Variants in PDE4B observed in about 807,000 individuals in gnomAD.
The protein encoded by PDE4B is 3',5'-cyclic-AMP phosphodiesterase 4B.
In PDE4B, 20 loss-of-function variants were observed where a neutral mutation model predicts 82.2. The observed-to-expected ratio is 0.24, with a 90% CI of 0.17 to 0.35. PDE4B has a LOEUF of 0.35. PDE4B is among the 10% of genes least tolerant of loss of function. The pLI is 1.00. For synonymous variants in PDE4B, 320 were observed against 318.9 expected, an observed-to-expected ratio of 1.00 and a Z score of -0.04; for missense variants, 655 against 907.2, an observed-to-expected ratio of 0.72 and a Z score of 3.57.
chr1:65,925,358 A>C (rs917686392), intron 3 of PDE4B, among the ~76,000 whole-genome samples: 1 of 152,158 alleles, frequency 6.6e-6, no homozygotes, highest in African/African-American at 2.4e-5. Flanking sequence ...ACTACTATTT[A>C]AAAAAACTTT....
At chr1:66,301,295 G>T (rs1657878370) in intron 7 of PDE4B, among the ~76,000 whole-genome samples, 1 of 152,124 alleles carries the variant, frequency 6.6e-6, no homozygotes, top group Non-Finnish European at 1.5e-5. Flanking sequence ...TTTTCCAAGG[G>T]CCTCCTGTAT....
chr1:65,887,247 T>TTTCTTTCTTTCTTTCTTTCTTTCTTTCC (rs1297971405), intron 1 of PDE4B, among the ~76,000 whole-genome samples: 1 of 37,700 alleles, frequency 2.7e-5, no homozygotes, highest in African/African-American at 1.1e-4. Context: ...TCTTTCTTTC[T>TTTCTTTCTTTCTTTCTTTCTTTCTTTCC]TTTCTTTCTT....
intron 1 of PDE4B, among the ~76,000 whole-genome samples, chr1:65,907,215 T>C (rs1023389250): frequency 1.3e-5 from 2 of 152,178 alleles, no homozygotes; most frequent in African/African-American, 4.8e-5. Context: ...CAGCAATAAC[T>C]GAGTGCAGTA....
chr1:66,372,791 C>T lies in PDE4B; in HGVS notation c.*113C>T. On this transcript the variant is annotated 3_prime_UTR_variant, in exon 17 of 17. Transcript: ENST00000341517. Reference sequence around the variant, plus strand: ...CTGCACAGGACAAGGGCCACCTGGCCTTTCAGTTACTTGAGTTTGGAGTCA... The same window carrying T: ...CTGCACAGGACAAGGGCCACCTGGCTTTTCAGTTACTTGAGTTTGGAGTCA... 4 of 1,035,336 alleles carry T rather than the reference C, an allele frequency of 3.9e-6. No individual in the cohort carries two copies. The Admixed American group carries it at 7.7e-5, about 20-fold the overall frequency. The allele number at this position is 1,035,336 out of a possible 1,614,324, so 64.1% of individuals were successfully genotyped here.
At chr1:66,090,720 T>TAC in intron 3 of PDE4B, among the ~76,000 whole-genome samples, 1 of 148,546 alleles carries the variant, frequency 6.7e-6, no homozygotes, top group Admixed American at 6.8e-5. Flanking sequence ...TGTGTGTGTA[T>TAC]ATGTATATGT....
At position 66,061,030 on chromosome 1, in the gene PDE4B, C is replaced by T. The variant is rs188871213; in HGVS notation, c.281+142195C>T. On this transcript the variant is annotated intron_variant, in intron 3 of 16. Transcript: ENST00000341517. ...AAGAAGAGTGGGCAGCATATTTATT[C>T]TGTCAGCTATAACTATGTTCTTTGT... Among the ~76,000 whole-genome samples the T allele has an allele frequency of 9.9e-5, 15 of 151,862 alleles. No homozygotes were observed. In the East Asian group the frequency reaches 2.7e-3, roughly 27 times the overall value.
chr1:66,023,831 T>C (rs930213111), intron 3 of PDE4B, among the ~76,000 whole-genome samples: 1 of 151,096 alleles, frequency 6.6e-6, no homozygotes, highest in Admixed American at 6.6e-5. Flanking sequence ...AGGATCTGTG[T>C]TGGGTAGGGT....
intron 3 of PDE4B, among the ~76,000 whole-genome samples, chr1:65,935,986 A>ATATATATATATATATATATATATATACT (rs1204331097): frequency 2.0e-5 from 3 of 152,216 alleles, no homozygotes; most frequent in Non-Finnish European, 4.4e-5. Context: ...AACACGTTGT[A>ATATATATATATATATATATATATATACT]TAGCTGCATA....
intron 3 of PDE4B, among the ~76,000 whole-genome samples, chr1:66,017,566 A>G (rs1283089782): frequency 2.0e-5 from 3 of 152,168 alleles, no homozygotes; most frequent in African/African-American, 7.2e-5. Context: ...CAACTTTCTT[A>G]GTTCTAGGTT....
At chr1:65,910,700 G>A (rs990314260) in intron 1 of PDE4B, among the ~76,000 whole-genome samples, 4 of 152,188 alleles carry the variant, frequency 2.6e-5, no homozygotes, top group Non-Finnish European at 5.9e-5. Flanking sequence ...GTGACCTCAA[G>A]TAGAACGTTT....
intron 16 of PDE4B, among the ~76,000 whole-genome samples, chr1:66,369,995 C>T (rs1282864289): frequency 6.6e-6 from 1 of 151,380 alleles, no homozygotes; most frequent in Non-Finnish European, 1.5e-5. Context: ...CAAAAACACA[C>T]AAAAAATTGG....
intron 3 of PDE4B, among the ~76,000 whole-genome samples, chr1:65,989,438 C>T (rs1651125666): frequency 2.6e-5 from 4 of 151,804 alleles, no homozygotes; most frequent in African/African-American, 7.3e-5. Context: ...TTGCAGTGAG[C>T]CTAGACAGAG....
rs1200066661 is a variant in PDE4B, at chr1:66,372,721, C to A, written c.*43C>A. On this transcript the variant is annotated 3_prime_UTR_variant, in exon 17 of 17. Transcript: ENST00000341517. ...AGATGAACATTCTATCCTTGATGAG[C>A]ATGCCAGCTATGTGGTAGGGCCAGC... 1 of 1,572,142 alleles carries A rather than the reference C, an allele frequency of 6.4e-7. No homozygotes were observed. Among genetic ancestry groups the A allele is most frequent in the East Asian group, 2.2e-5 (1 of 44,552 alleles).
chr1:66,152,020 G>C (rs986041032), intron 3 of PDE4B, among the ~76,000 whole-genome samples: 4 of 152,122 alleles, frequency 2.6e-5, no homozygotes, highest in Non-Finnish European at 5.9e-5. Flanking sequence ...GAACTCTTCA[G>C]TAAAAAGACA....
At chr1:66,063,880 G>A (rs1489582623) in intron 3 of PDE4B, among the ~76,000 whole-genome samples, 2 of 151,922 alleles carry the variant, frequency 1.3e-5, no homozygotes, top group African/African-American at 4.8e-5. Flanking sequence ...TTGCATAAAA[G>A]AATCCATAAA....
chr1:66,133,649 T>A (rs1237920324), intron 3 of PDE4B, among the ~76,000 whole-genome samples: 3 of 152,214 alleles, frequency 2.0e-5, no homozygotes, highest in African/African-American at 7.2e-5. Context: ...AGGTTTACTA[T>A]AACAGCATGT....
chr1:66,153,169 T>C (rs985542216), intron 3 of PDE4B, among the ~76,000 whole-genome samples: 74 of 152,204 alleles, frequency 4.9e-4, no homozygotes, highest in Admixed American at 1.6e-3. Context: ...AAAGCTGCTC[T>C]GAAGAAGCCC....
Position 65,850,108 on chromosome 1 carries a change from CA to C in PDE4B, c.-71+56861del, listed in dbSNP as rs1646313591. ...ACCAACGCTTAGTAGTATTGCCCTGCACTTTTTTTTTTTTTTTTTTTTTTGA... is the reference window on the plus strand; with the variant it reads ...ACCAACGCTTAGTAGTATTGCCCTGCCTTTTTTTTTTTTTTTTTTTTTTGA... On this transcript the variant is annotated intron_variant, in intron 1 of 16. Coordinates refer to ENST00000341517, the MANE Select transcript of PDE4B (RefSeq NM_002600.4). Among the ~76,000 whole-genome samples, 3 of 128,946 alleles carry C rather than the reference CA, an allele frequency of 2.3e-5. No individual in the cohort carries two copies. The East Asian group carries it at 6.4e-4, about 28-fold the overall frequency. 84.6% of individuals were successfully genotyped at this position (128,946 alleles called of 152,430 possible). A position where few individuals can be genotyped will look rare whatever the true frequency, so the allele number is the denominator to read the frequency against.
At chr1:65,797,375 T>G (rs969690333) in intron 1 of PDE4B, among the ~76,000 whole-genome samples, 1 of 152,230 alleles carries the variant, frequency 6.6e-6, no homozygotes, top group Admixed American at 6.5e-5. Context: ...TTTGGACATT[T>G]TAGCTATTGT....
Sources: allele counts gnomAD v4.1 joint callset (sites outside exome capture counted in the v4.1 genomes callset), GRCh38; gene constraint gnomAD v4.1.1; transcripts MANE v1.5; gene names NCBI Gene and HGNC (gene_info 2026-07-23, HGNC 2026-07-21).